The following PSD2 variants were observed in gnomAD, a reference collection of about 807,000 sequenced individuals.
PSD2 encodes the protein pleckstrin and Sec7 domain containing 2.
PSD2 carries 38 observed loss-of-function variants against 69.8 expected under a neutral mutation model. The ratio of observed to expected loss-of-function variants is 0.54; its 90% confidence interval spans 0.42 to 0.71. The LOEUF (loss-of-function observed/expected upper bound fraction) is 0.71, where lower values mean the gene tolerates loss of function less well. Ranked by LOEUF, PSD2 falls within the 30% of genes least tolerant of loss-of-function variation. The probability of loss-of-function intolerance (pLI) is 0.00; values close to 1 mark genes in which losing one functional copy is unlikely to be tolerated. For synonymous variants in PSD2, 412 were observed against 423.0 expected (o/e 0.97, Z 0.32); for missense variants, 943 against 1,014.5 (o/e 0.93, Z 0.96).
Position 139,837,892 on chromosome 5 carries a change from A to ATGCTC in PSD2, c.1823+112_1823+113insCTCTG. 1 of 1,087,036 alleles carries ATGCTC rather than the reference A, an allele frequency of 9.2e-7. No homozygotes were observed. The highest frequency in any genetic ancestry group is 1.3e-6 in the Non-Finnish European group (1 of 761,456). The allele number at this position is 1,087,036 out of a possible 1,614,324, so 67.3% of individuals were successfully genotyped here. On this transcript the variant is annotated intron_variant, in intron 12 of 14. Coordinates refer to ENST00000274710, the MANE Select transcript of PSD2 (RefSeq NM_032289.4). This position sits in a 1 kb window ranked among gnomAD's most constrained non-coding sequence, Gnocchi z 5.0. ...TCAGCAACAGAGCATGTGTATCCAC[A>ATGCTC]TGACACAGACCGACAGCTGGGTCCC...
chr5:139,767,046 G>A, the PSD2 span, among the ~76,000 whole-genome samples: 2 of 148,088 alleles, frequency 1.4e-5, no homozygotes, highest in Non-Finnish European at 3.0e-5. Context: ...AGGCTGGAGT[G>A]CAGTGGCACA....
intron 7 of PSD2, among the ~76,000 whole-genome samples, chr5:139,830,608 C>CCT (rs1760564643): frequency 9.8e-6 from 1 of 101,948 alleles, no homozygotes; most frequent in African/African-American, 4.1e-5. Context: ...TTCTTTCTTT[C>CCT]TCTTTCTTTC....
At chr5:139,760,715 G>A in the PSD2 span, among the ~76,000 whole-genome samples, 1 of 152,296 alleles carries the variant, frequency 6.6e-6, no homozygotes, top group Admixed American at 6.5e-5. Context: ...GGTATAATGA[G>A]AGCTGCTAGA....
chr5:139,814,541 T>C lies in PSD2; in HGVS notation c.1016+177T>C, dbSNP rs1188895085. ...ATTCCTGGCCTCGCCCTAAATCTGT[T>C]TCCTTTCTGGGCTGCTTGGGCGAAG... is the stretch of plus-strand genomic sequence containing the variant. On this transcript the variant is annotated intron_variant, in intron 4 of 14. Transcript: ENST00000274710. This position sits in a 1 kb window ranked among gnomAD's most constrained non-coding sequence, Gnocchi z 4.4. Among the ~76,000 whole-genome samples, 2 of 151,900 alleles carry C rather than the reference T, an allele frequency of 1.3e-5. No homozygotes were observed. Among genetic ancestry groups the C allele is most frequent in the Non-Finnish European group, 2.9e-5 (2 of 67,958 alleles).
chr5:139,834,658 A>T (rs1561607147), intron 8 of PSD2, among the ~76,000 whole-genome samples: 1 of 152,092 alleles, frequency 6.6e-6, no homozygotes, highest in Non-Finnish European at 1.5e-5. Context: ...GCGTAGTTGA[A>T]TAATGAGTTC....
chr5:139,796,208 G>T (rs1759521275), intron 1 of PSD2, among the ~76,000 whole-genome samples: 1 of 152,158 alleles, frequency 6.6e-6, no homozygotes, highest in Admixed American at 6.5e-5. Flanking sequence ...CGGGCTGGCC[G>T]GGTCTGGGCC....
At chr5:139,796,230 G>C (rs998038275) in intron 1 of PSD2, among the ~76,000 whole-genome samples, 1 of 152,214 alleles carries the variant, frequency 6.6e-6, no homozygotes, top group South Asian at 2.1e-4. Context: ...GGGAGAGGGG[G>C]CGCCGCGGGA....
chr5:139,819,668 T>G (rs1218058416), intron 5 of PSD2, among the ~76,000 whole-genome samples: 3 of 152,204 alleles, frequency 2.0e-5, no homozygotes, highest in African/African-American at 7.2e-5. Context: ...ATCTTGGCCC[T>G]TTTTGTCTTT....
chr5:139,790,105 G>A, the PSD2 span, among the ~76,000 whole-genome samples: 1 of 152,058 alleles, frequency 6.6e-6, no homozygotes, highest in East Asian at 1.9e-4. Flanking sequence ...GATCTTATGG[G>A]ATTTTGTGGC....
chr5:139,788,722 G>A, the PSD2 span, among the ~76,000 whole-genome samples: 1 of 152,202 alleles, frequency 6.6e-6, no homozygotes, highest in African/African-American at 2.4e-5. Flanking sequence ...CCGGCGGCCG[G>A]CTGCCGGCTG....
chr5:139,763,353 C>CT, the PSD2 span, among the ~76,000 whole-genome samples: 1 of 152,208 alleles, frequency 6.6e-6, no homozygotes, highest in Non-Finnish European at 1.5e-5. Context: ...CGCTCACTGT[C>CT]TTTAAGCCCT....
chr5:139,789,305 A>G, the PSD2 span, among the ~76,000 whole-genome samples: 1 of 152,178 alleles, frequency 6.6e-6, no homozygotes, highest in African/African-American at 2.4e-5. Context: ...ACAGTATGAC[A>G]TGTGCTGTGA....
chr5:139,796,819 G>A (rs1759544249), intron 1 of PSD2, among the ~76,000 whole-genome samples: 1 of 152,214 alleles, frequency 6.6e-6, no homozygotes, highest in Non-Finnish European at 1.5e-5. Context: ...GCCAGGAAGA[G>A]AACAGGGAGC....
chr5:139,788,911 C>T, the PSD2 span, among the ~76,000 whole-genome samples: 1 of 152,252 alleles, frequency 6.6e-6, no homozygotes, highest in Admixed American at 6.5e-5. Context: ...CCCCTTACCT[C>T]AGCCTTGCTG....
At chr5:139,822,852 C>T (rs913592903) in intron 7 of PSD2, 68 bp downstream of exon 7, 25 of 1,383,882 alleles carry the variant, frequency 1.8e-5, no homozygotes, top group East Asian at 5.1e-5. Context: ...TGATCCCGGC[C>T]CCTTCCTGAG....
intron 7 of PSD2, among the ~76,000 whole-genome samples, chr5:139,827,171 C>T (rs1291043782): frequency 2.0e-5 from 3 of 152,178 alleles, no homozygotes; most frequent in Non-Finnish European, 4.4e-5. Flanking sequence ...CACCTCATTG[C>T]TGATACATAA....
intron 5 of PSD2, among the ~76,000 whole-genome samples, chr5:139,821,218 C>T (rs1053136475): frequency 1.3e-5 from 2 of 152,186 alleles, no homozygotes; most frequent in Admixed American, 1.3e-4. Flanking sequence ...TAGGCGTGAG[C>T]CACCGCGCCT....
chr5:139,745,243 G>A, the PSD2 span: 1 of 152,300 alleles, frequency 6.6e-6, no homozygotes, highest in Non-Finnish European at 1.5e-5. Context: ...ACAGAGCTGG[G>A]TCTCCAGGCT....
At chr5:139,835,680 A>C in intron 8 of PSD2, 43 bp from the exon 9 acceptor site, 1 of 1,598,442 alleles carries the variant, frequency 6.3e-7, no homozygotes, top group Non-Finnish European at 8.6e-7. Context: ...GGTTTCTTTG[A>C]CCCTTCACCT....
Sources: gnomAD v4.1 joint callset for allele counts (sites outside exome capture counted in the v4.1 genomes callset) on GRCh38, gnomAD v4.1.1 for gene constraint, Gnocchi (gnomAD v3.1) non-coding constraint, MANE v1.5 for transcripts, NCBI Gene and HGNC (gene_info 2026-07-23, HGNC 2026-07-21) for gene names.